The following MGAT4C variants were observed in gnomAD, a reference collection of about 807,000 sequenced individuals.
MGAT4C encodes alpha-1,3-mannosyl-glycoprotein 4-beta-N-acetylglucosaminyltransferase C.
Under a neutral mutation model 40.1 loss-of-function variants are expected in MGAT4C, and 19 were observed. The ratio of observed to expected loss-of-function variants is 0.47; its 90% CI spans 0.33 to 0.70. The LOEUF is 0.70. MGAT4C is among the 30% of genes least tolerant of loss of function. MGAT4C has a pLI of 0.02. For missense variants in MGAT4C, 491 were observed against 563.2 expected, an observed-to-expected ratio of 0.87 and a Z score of 1.30; for synonymous variants, 181 against 187.1, an observed-to-expected ratio of 0.97 and a Z score of 0.27.
At chr12:86,229,394 T>C (rs565331308) in intron 1 of MGAT4C, among the ~76,000 whole-genome samples, 7 of 152,064 alleles carry the variant, frequency 4.6e-5, no homozygotes, top group African/African-American at 1.2e-4. Context: ...GTCTACTATA[T>C]TGGGAGAATA....
intron 3 of MGAT4C, among the ~76,000 whole-genome samples, chr12:86,362,648 C>T (rs117995025): frequency 0.02 from 3,002 of 151,408 alleles, 35 homozygotes; most frequent in Non-Finnish European, 0.029. Context: ...TGTGAGGGTG[C>T]GAGGTCAGAT....
chr12:86,324,724 C>T (rs1241813609), intron 4 of MGAT4C, among the ~76,000 whole-genome samples: 1 of 151,410 alleles, frequency 6.6e-6, no homozygotes, highest in African/African-American at 2.4e-5. Flanking sequence ...TTGTGCAAAG[C>T]AAATTAGAAA....
rs939260705 is a variant in MGAT4C at position 86,325,935 on chromosome 12, A to T, written c.-57+8130T>A. 3.3e-5 allele frequency among the ~76,000 whole-genome samples: 5 copies of T among 152,158 alleles called. No homozygotes were observed. The Middle Eastern group carries it at 0.014, about 414-fold the overall frequency. On this transcript the variant is annotated intron_variant, in intron 4 of 7. Transcript: ENST00000548651. ...CAGGGTTCCCTATACAGTCATTTTTATTCTATTTATTTTATTACATTCTTC... is the reference window on the plus strand; with the variant it reads ...CAGGGTTCCCTATACAGTCATTTTTTTTCTATTTATTTTATTACATTCTTC...
rs1007435141 is a variant in MGAT4C at position 86,195,376 on chromosome 12, G to T, written c.-57+60863C>A. On this transcript the variant is annotated intron_variant, in intron 1 of 4. Transcript: ENST00000611864. ...CCAGTCTTTCTTATTGGATTATAGT[G>T]ATTTTATTAGGCTATCAGTAAGTAA... Among the ~76,000 whole-genome samples, 4 of 152,126 alleles carry T rather than the reference G, an allele frequency of 2.6e-5. No individual in the cohort carries two copies. In the South Asian group the frequency reaches 6.2e-4, roughly 24 times the overall value.
chr12:85,964,165 A>G lies in MGAT4C; in HGVS notation c.*15124T>C, dbSNP rs558878667. ...AATTATGAAAGATTATAAAACACCAATGATTAGATTATGTTATAAAGACAC... is the reference window on the plus strand; with the variant it reads ...AATTATGAAAGATTATAAAACACCAGTGATTAGATTATGTTATAAAGACAC... On this transcript the variant is annotated 3_prime_UTR_variant, in exon 5 of 5. Transcript: ENST00000611864. 1 of 152,246 alleles carries G rather than the reference A, an allele frequency of 6.6e-6. No homozygotes were observed. Among genetic ancestry groups the G allele is most frequent in the African/African-American group, 2.4e-5 (1 of 41,588 alleles). The allele number at this position is 152,246 out of a possible 1,614,324, so 9.4% of individuals were successfully genotyped here. A position where few individuals can be genotyped will look rare whatever the true frequency, so the allele number is the denominator to read the frequency against.
At chr12:86,126,762 C>T (rs1327438198) in intron 1 of MGAT4C, among the ~76,000 whole-genome samples, 4 of 152,128 alleles carry the variant, frequency 2.6e-5, no homozygotes, top group Admixed American at 6.5e-5. Context: ...GCAATTTTGT[C>T]GTTGTGTGAA....
intron 3 of MGAT4C, among the ~76,000 whole-genome samples, chr12:86,401,956 T>G (rs549833855): frequency 2.1e-4 from 32 of 152,214 alleles, no homozygotes; most frequent in South Asian, 1.2e-3. Flanking sequence ...CAAACATGTT[T>G]ATGATTGCTG....
At chr12:86,581,932 TG>T (rs971730858) in intron 2 of MGAT4C, among the ~76,000 whole-genome samples, 9 of 151,504 alleles carry the variant, frequency 5.9e-5, no homozygotes, top group African/African-American at 2.2e-4. Flanking sequence ...TAACATCTGC[TG>T]GCTTCCTCTT....
intron 1 of MGAT4C, among the ~76,000 whole-genome samples, chr12:86,212,960 A>T (rs1234553551): frequency 1.3e-5 from 2 of 149,534 alleles, no homozygotes; most frequent in African/African-American, 4.9e-5. Flanking sequence ...TTGTTTTTAT[A>T]AATGGCAGCC....
chr12:86,566,280 G>A (rs369999894), intron 2 of MGAT4C, among the ~76,000 whole-genome samples: 7 of 151,486 alleles, frequency 4.6e-5, no homozygotes, highest in East Asian at 3.9e-4. Context: ...CCTTAACCTG[G>A]GTGGGCACAA....
chr12:86,472,932 G>A (rs1407241251), intron 2 of MGAT4C, among the ~76,000 whole-genome samples: 1 of 151,964 alleles, frequency 6.6e-6, no homozygotes. Context: ...AGGAAGGGAG[G>A]AAGAAGCTAG....
At chr12:86,646,521 A>C (rs1212800061) in intron 2 of MGAT4C, among the ~76,000 whole-genome samples, 1 of 151,950 alleles carries the variant, frequency 6.6e-6, no homozygotes, top group Non-Finnish European at 1.5e-5. Context: ...AGTTCTCTAG[A>C]GAAAAGAAAA....
intron 2 of MGAT4C, among the ~76,000 whole-genome samples, chr12:86,664,335 CTG>C (rs1293670762): frequency 6.6e-6 from 1 of 151,938 alleles, no homozygotes; most frequent in African/African-American, 2.4e-5. Flanking sequence ...AGGATTCCTT[CTG>C]TCTCTTTTCA....
chr12:86,290,167 C>T lies in MGAT4C; in HGVS notation c.-57+43898G>A, dbSNP rs534529391. ...GTTCAAGTGATTCTCCTGCCTCAGC[C>T]GCCCAAGTAGCTGGGATTACAGGCA... On this transcript the variant is annotated intron_variant, in intron 4 of 7. Transcript: ENST00000548651. Among the ~76,000 whole-genome samples, 44 of 152,202 alleles carry T rather than the reference C, an allele frequency of 2.9e-4. No individual in the cohort carries two copies. In the Middle Eastern group the frequency reaches 0.01, roughly 35 times the overall value.
intron 1 of MGAT4C, among the ~76,000 whole-genome samples, chr12:86,747,763 G>A (rs1041113700): frequency 6.6e-6 from 1 of 151,306 alleles, no homozygotes; most frequent in African/African-American, 2.4e-5. Flanking sequence ...AGTGGTAGCT[G>A]GAAGGAAATT....
At chr12:86,318,683 AATTAT>A (rs1035457802) in intron 4 of MGAT4C, among the ~76,000 whole-genome samples, 1 of 152,014 alleles carries the variant, frequency 6.6e-6, no homozygotes, top group Admixed American at 6.6e-5. Flanking sequence ...ATGTTGTTTT[AATTAT>A]ATTATAGTAT....
intron 1 of MGAT4C, among the ~76,000 whole-genome samples, chr12:86,148,302 T>C (rs958118265): frequency 4.6e-5 from 7 of 152,198 alleles, no homozygotes; most frequent in African/African-American, 1.7e-4. Context: ...GGTTTACCTG[T>C]GTAACAAGCC....
intron 3 of MGAT4C, among the ~76,000 whole-genome samples, chr12:86,388,362 G>C (rs1956098300): frequency 6.6e-6 from 1 of 151,566 alleles, no homozygotes; most frequent in Non-Finnish European, 1.5e-5. Context: ...TCCAAGATGA[G>C]AACAATATTT....
At chr12:86,445,647 C>T (rs1382648464) in intron 2 of MGAT4C, among the ~76,000 whole-genome samples, 1 of 152,080 alleles carries the variant, frequency 6.6e-6, no homozygotes, top group East Asian at 1.9e-4. Flanking sequence ...AAATGTCCTC[C>T]CGCAGTAAAA....
Sources: gnomAD v4.1 joint callset for allele counts (sites outside exome capture counted in the v4.1 genomes callset) on GRCh38, gnomAD v4.1.1 for gene constraint, MANE v1.5 for transcripts, NCBI Gene and HGNC (gene_info 2026-07-23, HGNC 2026-07-21) for gene names.